CHUK: variants seen among roughly 807,000 people sequenced by gnomAD.
CHUK encodes the protein inhibitor of nuclear factor kappa-B kinase subunit alpha.
In CHUK, 35 loss-of-function variants were observed where a neutral mutation model predicts 104.8. The observed-to-expected ratio is 0.33, with a 90% CI of 0.26 to 0.44. CHUK has a LOEUF of 0.44. CHUK is among the 20% of genes least tolerant of loss of function. The pLI, the probability that CHUK is intolerant of heterozygous loss-of-function variation, is 1.00. For synonymous variants in CHUK, 276 were observed against 291.9 expected (o/e 0.95, Z 0.56); for missense variants, 663 against 902.7 (o/e 0.73, Z 3.40).
intron 19 of CHUK, among the ~76,000 whole-genome samples, chr10:100,191,174 A>T (rs752247712): frequency 2.0e-5 from 3 of 152,078 alleles, no homozygotes; most frequent in African/African-American, 7.2e-5. Context: ...CTCTACCTCT[A>T]CCTAACTAAT....
chr10:100,207,707 G>A (rs553876481), intron 10 of CHUK, among the ~76,000 whole-genome samples: 5 of 152,300 alleles, frequency 3.3e-5, no homozygotes, highest in African/African-American at 1.2e-4. Flanking sequence ...CCATTTATAT[G>A]GAATGTTCAG....
chr10:100,210,091 A>ATTTATTTATTTT (rs58570772), intron 9 of CHUK, among the ~76,000 whole-genome samples: 2,582 of 121,596 alleles, frequency 0.021, 37 homozygotes, highest in South Asian at 0.031. Context: ...TTATTTATTT[A>ATTTATTTATTTT]TTTTTTTTTT....
intron 10 of CHUK, among the ~76,000 whole-genome samples, chr10:100,208,798 T>G (rs1347991186): frequency 1.3e-5 from 1 of 79,318 alleles, no homozygotes; most frequent in Non-Finnish European, 2.6e-5. Flanking sequence ...AAAAAAAAAC[T>G]GGAAGAGCCA....
At position 100,209,638 on chromosome 10, in the gene CHUK, A is replaced by G; in HGVS notation, c.1085T>C (p.Leu362Pro). 1 of 1,611,690 alleles carries G rather than the reference A, an allele frequency of 6.2e-7. No individual in the cohort carries two copies. Among genetic ancestry groups the G allele is most frequent in the Non-Finnish European group, 8.5e-7 (1 of 1,177,780 alleles). Residue 362 changes from leucine to proline, a missense_variant, in exon 10 of 21, where the codon CTG becomes CCG. Transcript: ENST00000370397. ...TTGAGAGGCTGGTTTCCGAGGATCC[A>G]GAGAAATTCCTGTCTCTGAAAGAAG... ...QELLSETGIS[L>P]DPRKPASQCV...
chr10:100,217,387 T>C (rs913841160), intron 9 of CHUK, among the ~76,000 whole-genome samples: 4 of 152,096 alleles, frequency 2.6e-5, no homozygotes, highest in African/African-American at 7.2e-5. Flanking sequence ...GAAAGGCAGA[T>C]AGGAACCTTC....
intron 13 of CHUK, 75 bp downstream of exon 13, chr10:100,204,431 G>T: frequency 8.3e-7 from 1 of 1,210,470 alleles, no homozygotes; most frequent in South Asian, 1.2e-5. Context: ...ACAACTGGCT[G>T]AGTTAAGAAG....
At chr10:100,209,842 A>AT in intron 9 of CHUK, 53 bp from the exon 10 acceptor site, 1 of 811,136 alleles carries the variant, frequency 1.2e-6, no homozygotes, top group South Asian at 1.5e-5. Flanking sequence ...TACATAAAAG[A>AT]TTCGCTGCCA....
At chr10:100,214,087 T>C (rs555467398) in intron 9 of CHUK, among the ~76,000 whole-genome samples, 61 of 152,238 alleles carry the variant, frequency 4.0e-4, no homozygotes, top group African/African-American at 1.3e-3. Flanking sequence ...CTTATAGCAA[T>C]AGAAAATCCT....
chr10:100,196,570 AT>A (rs1389563783), intron 16 of CHUK, among the ~76,000 whole-genome samples: 2 of 151,696 alleles, frequency 1.3e-5, no homozygotes, highest in Non-Finnish European at 2.9e-5. Flanking sequence ...AATTTTATTG[AT>A]TTATTTTTTT....
At chr10:100,191,037 G>T in intron 19 of CHUK, 69 bp from the exon 20 acceptor site, 1 of 935,436 alleles carries the variant, frequency 1.1e-6, no homozygotes, top group Non-Finnish European at 1.8e-6. Context: ...CTACTTTCTA[G>T]TCTTCTAGGT....
chr10:100,203,375 TATA>T (rs1845514634), intron 13 of CHUK, among the ~76,000 whole-genome samples: 1 of 151,854 alleles, frequency 6.6e-6, no homozygotes, highest in Non-Finnish European at 1.5e-5. Flanking sequence ...ATGAAATAAT[TATA>T]ATGTTTTATC....
rs17880810 is a variant in CHUK at position 100,197,902 on chromosome 10, TTGAG to T, written c.1729+2065_1729+2068del. On this transcript the variant is annotated intron_variant, in intron 16 of 20. Transcript: ENST00000370397. ...ACGATATTTTCTAAAACAAAAAAAT[TTGAG>T]TGAGAACACTTGCACTGTTTTACAT... Among the ~76,000 whole-genome samples the T allele has an allele frequency of 4.4e-3, 677 of 152,250 alleles. 4 individuals are homozygous for T. Among genetic ancestry groups the T allele is most frequent in the Middle Eastern group, 0.02 (6 of 294 alleles).
chr10:100,216,831 C>T (rs1845866672), intron 9 of CHUK, among the ~76,000 whole-genome samples: 1 of 152,024 alleles, frequency 6.6e-6, no homozygotes, highest in Non-Finnish European at 1.5e-5. Context: ...TTACTAAGAA[C>T]CTGATACATG....
Position 100,219,029 on chromosome 10 carries a change from T to C in CHUK, c.668A>G (p.His223Arg). 6.2e-7 allele frequency: 1 copy of C among 1,614,052 alleles called. No homozygotes were observed. The highest frequency in any genetic ancestry group is 8.5e-7 in the Non-Finnish European group (1 of 1,179,936). ...ECIAGYRPFL[H>R]HLQPFTWHEK... ...TTACCAGGTAAATGGCTGCAGATGA[T>C]GCAAAAAAGGCCTATATCCAGCAAT... The change falls in exon 7 of 21, where the codon CAT becomes CGT. Residue 223 changes from histidine to arginine, a missense_variant. By Grantham distance (29) the His-to-Arg change is conservative. This residue lies in a region of CHUK where 200 missense variants were observed against 333.0 expected (regional missense o/e 0.60). Coordinates refer to ENST00000370397, the MANE Select transcript of CHUK (RefSeq NM_001278.5).
Position 100,218,803 on chromosome 10 carries a change from CCTT to C in CHUK, c.709_711del (p.Lys237del), listed in dbSNP as rs1213019506. ...TCACATGCAAATATACACTTTGGATCCTTCTTCTTAATCTTCTCATGCCTATAA... is the reference window on the plus strand; with the variant it reads ...TCACATGCAAATATACACTTTGGATCCTTCTTAATCTTCTCATGCCTATAA... On this transcript the variant is annotated inframe_deletion, in exon 8 of 21. Transcript: ENST00000370397. 6.2e-7 allele frequency: 1 copy of C among 1,613,532 alleles called. No homozygotes were observed. The highest frequency in any genetic ancestry group is 8.5e-7 in the Non-Finnish European group (1 of 1,179,676).
chr10:100,207,860 TA>T lies in CHUK; in HGVS notation c.1129-529del, dbSNP rs17886108. Reference sequence around the variant, plus strand: ...GCTGCAAAATTTGGTAAATTTACTTTAAAAAAAAATCACTGTAATTGAGCAT... The same window carrying T: ...GCTGCAAAATTTGGTAAATTTACTTTAAAAAAAATCACTGTAATTGAGCAT... On this transcript the variant is annotated intron_variant, in intron 10 of 20. Transcript: ENST00000370397. Among the ~76,000 whole-genome samples, 344 of 151,590 alleles carry T rather than the reference TA, an allele frequency of 2.3e-3. 2 individuals carry two copies. Among genetic ancestry groups the T allele is most frequent in the African/African-American group, 4.9e-3 (201 of 41,368 alleles).
In CHUK at chr10:100,219,103, G is replaced by A. The variant is rs1845927525; in HGVS notation, c.594C>T (p.Tyr198=). The A allele has an allele frequency of 6.2e-7, 1 of 1,613,518 alleles. No homozygotes were observed. The highest frequency in any genetic ancestry group is 1.1e-5 in the South Asian group (1 of 91,078). Residue 198 remains tyrosine (Y), a synonymous_variant, in exon 7 of 21, where the codon TAC becomes TAT. Coordinates refer to ENST00000370397, the MANE Select transcript of CHUK (RefSeq NM_001278.5). ...LAPELFENKP[Y]TATVDYWSFG... ...AGCTCCAATAATCAACAGTGGCTGT[G>A]TAAGGCTTATTCTCAAAGAGCTCTG...
chr10:100,193,352 G>C lies in CHUK; in HGVS notation c.2054C>G (p.Pro685Arg). ...AGAATGATCATGTTCTGCTGAAGTCGGGGGCAGCCATGCTGATGTCTGAGG... is the reference window on the plus strand; with the variant it reads ...AGAATGATCATGTTCTGCTGAAGTCCGGGGCAGCCATGCTGATGTCTGAGG... ...VTPQTSAWLP[P>R]TSAEHDHSLS... Residue 685 changes from proline (P) to arginine (R), a missense_variant, in exon 19 of 21, where the codon CCG becomes CGG. By Grantham distance (103) the Pro-to-Arg change is moderately radical. Around this residue, in one of 5 missense-constraint regions of CHUK, gnomAD observed 311 missense variants for 393.4 expected, o/e 0.79. Transcript: ENST00000370397. The C allele has an allele frequency of 1.2e-6, 2 of 1,614,026 alleles. No individual in the cohort carries two copies. Among genetic ancestry groups the C allele is most frequent in the Non-Finnish European group, 1.7e-6 (2 of 1,179,950 alleles).
intron 9 of CHUK, among the ~76,000 whole-genome samples, chr10:100,213,967 G>A (rs1237147673): frequency 6.6e-6 from 1 of 152,148 alleles, no homozygotes; most frequent in Non-Finnish European, 1.5e-5. Flanking sequence ...ATGTTTAAAA[G>A]GGGAGTAGGG....
Sources: gnomAD v4.1 joint callset for allele counts (sites outside exome capture counted in the v4.1 genomes callset) on GRCh38, gnomAD v4.1.1 for gene constraint, gnomAD v4.1.1 regional missense constraint, MANE v1.5 for transcripts, NCBI Gene and HGNC (gene_info 2026-07-23, HGNC 2026-07-21) for gene names.